Variants in DGKB observed in about 807,000 individuals in gnomAD.
DGKB encodes the protein 90 kDa diacylglycerol kinase.
A neutral mutation model predicts 114.3 loss-of-function variants in DGKB; 67 were observed. That is an observed-to-expected ratio of 0.59 (90% CI 0.48 to 0.72). The LOEUF (loss-of-function observed/expected upper bound fraction) is 0.72. Among genes scored for constraint, DGKB ranks in the 30% least tolerant of loss-of-function variants. The pLI is 0.00. For missense variants in DGKB, 907 were observed against 975.2 expected (o/e 0.93, Z 0.93); for synonymous variants, 398 against 323.1 (o/e 1.23, Z -2.49).
chr7:14,159,298 C>T (rs1267723428), intron 25 of DGKB, among the ~76,000 whole-genome samples: 2 of 152,198 alleles, frequency 1.3e-5, no homozygotes, highest in East Asian at 3.9e-4. Context: ...TCTTTGGGGC[C>T]TAGTTATATC....
intron 15 of DGKB, among the ~76,000 whole-genome samples, chr7:14,616,418 T>C (rs1189437512): frequency 3.3e-5 from 5 of 151,764 alleles, no homozygotes; most frequent in African/African-American, 9.6e-5. Context: ...CCAATCTGTC[T>C]ATGAATTTAG....
chr7:14,931,162 A>C (rs539937585), intron 1 of DGKB, among the ~76,000 whole-genome samples: 1 of 148,166 alleles, frequency 6.7e-6, no homozygotes, highest in Non-Finnish European at 1.5e-5. Flanking sequence ...CCCAGGCTAG[A>C]GTGCAGTGGT....
At chr7:14,931,972 T>A (rs192143445) in intron 1 of DGKB, among the ~76,000 whole-genome samples, 1 of 152,258 alleles carries the variant, frequency 6.6e-6, no homozygotes, top group African/African-American at 2.4e-5. Context: ...CTACCTGAGT[T>A]TCTCCAACAG....
chr7:14,249,535 G>A (rs1420759140), intron 23 of DGKB, among the ~76,000 whole-genome samples: 1 of 151,958 alleles, frequency 6.6e-6, no homozygotes. Context: ...TGGTCTGTTC[G>A]AATTTTCTAT....
At chr7:14,586,844 G>C (rs1800854718) in intron 17 of DGKB, among the ~76,000 whole-genome samples, 1 of 136,008 alleles carries the variant, frequency 7.4e-6, no homozygotes, top group African/African-American at 2.9e-5. Flanking sequence ...CCACGACTGA[G>C]ACATATTTCT....
chr7:14,522,643 T>C (rs1265301005), intron 20 of DGKB, among the ~76,000 whole-genome samples: 1 of 152,100 alleles, frequency 6.6e-6, no homozygotes, highest in African/African-American at 2.4e-5. Flanking sequence ...CAGGAAAAAA[T>C]GCCATGGTCT....
chr7:14,775,656 A>G (rs993846174), intron 2 of DGKB, among the ~76,000 whole-genome samples: 1 of 151,908 alleles, frequency 6.6e-6, no homozygotes, highest in African/African-American at 2.4e-5. Context: ...TTCGTTCTGC[A>G]TTTCTTGCTG....
chr7:14,570,209 T>TTCAATAGGTCTGATTAACTTTTC (rs1395391599), intron 20 of DGKB, among the ~76,000 whole-genome samples: 1 of 152,020 alleles, frequency 6.6e-6, no homozygotes, highest in Non-Finnish European at 1.5e-5. Flanking sequence ...AAGTCAATTT[T>TTCAATAGGTCTGATTAACTTTTC]TCAATAGGTC....
chr7:14,755,536 A>G (rs1290760099), intron 3 of DGKB, among the ~76,000 whole-genome samples: 2 of 152,168 alleles, frequency 1.3e-5, no homozygotes, highest in Non-Finnish European at 2.9e-5. Flanking sequence ...ATCATTAACT[A>G]GTCATCAGTG....
At chr7:14,466,645 C>CA (rs57888491) in intron 21 of DGKB, among the ~76,000 whole-genome samples, 3,484 of 138,494 alleles carry the variant, frequency 0.025, 105 homozygotes, top group African/African-American at 0.07. Flanking sequence ...ATGAATAAAC[C>CA]AAAAAAAAAA....
At chr7:14,335,817 A>G (rs1026764455) in intron 23 of DGKB, among the ~76,000 whole-genome samples, 1 of 152,078 alleles carries the variant, frequency 6.6e-6, no homozygotes, top group African/African-American at 2.4e-5. Flanking sequence ...GCAGTGGCGC[A>G]ATCATAGCTC....
intron 21 of DGKB, among the ~76,000 whole-genome samples, chr7:14,372,268 T>C (rs542655145): frequency 6.6e-6 from 1 of 152,284 alleles, no homozygotes; most frequent in South Asian, 2.1e-4. Flanking sequence ...CCCCGGGAAC[T>C]GGGGTGTCCT....
At chr7:14,233,913 AC>A (rs1792324657) in intron 23 of DGKB, among the ~76,000 whole-genome samples, 1 of 151,572 alleles carries the variant, frequency 6.6e-6, no homozygotes, top group South Asian at 2.1e-4. Context: ...TCACAATTCC[AC>A]TTAACTAAAC....
chr7:14,769,115 AAG>A (rs1182403017), intron 2 of DGKB, among the ~76,000 whole-genome samples: 5 of 124,968 alleles, frequency 4.0e-5, no homozygotes, highest in Non-Finnish European at 8.0e-5. Context: ...GAAAGAAAGA[AAG>A]AAAGAAAGAG....
At chr7:14,626,914 T>C (rs997190443) in intron 14 of DGKB, among the ~76,000 whole-genome samples, 1 of 152,162 alleles carries the variant, frequency 6.6e-6, no homozygotes, top group African/African-American at 2.4e-5. Context: ...AGAAGCCAAA[T>C]TGCAGCTTTG....
intron 2 of DGKB, among the ~76,000 whole-genome samples, chr7:14,775,764 C>T (rs1482592231): frequency 6.6e-6 from 1 of 152,016 alleles, no homozygotes; most frequent in Non-Finnish European, 1.5e-5. Flanking sequence ...TCAGTTAAAC[C>T]TCTTTCCTTT....
At chr7:14,246,375 A>T (rs1480087406) in intron 23 of DGKB, among the ~76,000 whole-genome samples, 9 of 152,250 alleles carry the variant, frequency 5.9e-5, no homozygotes, top group African/African-American at 2.2e-4. Context: ...TACTTTGCCT[A>T]ATATCACACA....
chr7:14,696,387 C>T (rs1370480236), intron 8 of DGKB, among the ~76,000 whole-genome samples: 2 of 150,798 alleles, frequency 1.3e-5, no homozygotes, highest in Non-Finnish European at 3.0e-5. Flanking sequence ...CCCAGCTACT[C>T]GGGAGGCTGA....
At chr7:14,467,222 T>C (rs1780612745) in intron 21 of DGKB, among the ~76,000 whole-genome samples, 1 of 149,344 alleles carries the variant, frequency 6.7e-6, no homozygotes, top group Non-Finnish European at 1.5e-5. Context: ...TTTTATTACA[T>C]ACTTATTTAT....
Sources: allele counts gnomAD v4.1 joint callset (sites outside exome capture counted in the v4.1 genomes callset), GRCh38; gene constraint gnomAD v4.1.1; transcripts MANE v1.5; gene names NCBI Gene and HGNC (gene_info 2026-07-23, HGNC 2026-07-21).